Variants in AOPEP observed in about 807,000 individuals in gnomAD.
AOPEP encodes aminopeptidase O.
A neutral mutation model predicts 98.1 loss-of-function variants in AOPEP; 77 were observed. The observed-to-expected ratio is 0.78, with a 90% CI of 0.65 to 0.95. The LOEUF (loss-of-function observed/expected upper bound fraction) is 0.95. AOPEP is among the 40% of genes least tolerant of loss of function. The probability of loss-of-function intolerance (pLI) is 0.00; values close to 1 mark genes in which losing one functional copy is unlikely to be tolerated. For missense variants in AOPEP, 1,024 were observed against 1,024.7 expected (o/e 1.00, Z 0.01); for synonymous variants, 346 against 365.3 (o/e 0.95, Z 0.60).
chr9:94,932,959 A>G (rs564111393), intron 7 of AOPEP: 1 of 985,422 alleles, frequency 1.0e-6, no homozygotes, highest in African/African-American at 1.7e-5. Flanking sequence ...CGATTTGCTC[A>G]GTTTCAAAAT....
At chr9:95,035,840 A>T (rs879638041) in intron 13 of AOPEP, among the ~76,000 whole-genome samples, 30 of 148,572 alleles carry the variant, frequency 2.0e-4, no homozygotes, top group African/African-American at 6.5e-4. Context: ...TTTTTTTTTT[A>T]AAGAAATTGC....
intron 5 of AOPEP, among the ~76,000 whole-genome samples, chr9:94,828,002 A>G (rs1441496307): frequency 3.3e-5 from 5 of 152,210 alleles, no homozygotes; most frequent in Non-Finnish European, 7.3e-5. Context: ...GAGAACAGAG[A>G]AAAAAAGAAG....
At position 94,878,437 on chromosome 9, in the gene AOPEP, T is replaced by C. The variant is rs566585546; in HGVS notation, c.1365-45549T>C. On this transcript the variant is annotated intron_variant, in intron 5 of 16. Coordinates refer to ENST00000375315, the MANE Select transcript of AOPEP (RefSeq NM_001193329.3). ...ACAGGGTTCAAGGGCAGTCTTCCTCTGATGTTATTTCCCGAAGACCCAATT... is the reference window on the plus strand; with the variant it reads ...ACAGGGTTCAAGGGCAGTCTTCCTCCGATGTTATTTCCCGAAGACCCAATT... Among the ~76,000 whole-genome samples the C allele has an allele frequency of 1.1e-4, 17 of 151,792 alleles. No individual in the cohort carries two copies. In the East Asian group the frequency reaches 3.3e-3, roughly 29 times the overall value.
intron 4 of AOPEP, among the ~76,000 whole-genome samples, chr9:94,796,750 G>T (rs923937716): frequency 6.6e-6 from 1 of 152,206 alleles, no homozygotes; most frequent in African/African-American, 2.4e-5. Flanking sequence ...GCCACTCTGG[G>T]TGAGCATTTT....
the AOPEP span, among the ~76,000 whole-genome samples, chr9:95,133,132 G>A: frequency 1.3e-5 from 2 of 152,244 alleles, no homozygotes; most frequent in Non-Finnish European, 2.9e-5. Context: ...ATCAGATGAT[G>A]CAATTAGGAA....
chr9:94,737,425 A>G (rs1412620143), intron 1 of AOPEP, among the ~76,000 whole-genome samples: 2 of 152,106 alleles, frequency 1.3e-5, no homozygotes, highest in Non-Finnish European at 2.9e-5. Flanking sequence ...TTTCATTCTT[A>G]TGTACCTTTC....
chr9:94,739,450 G>T (rs1240017067), intron 1 of AOPEP, among the ~76,000 whole-genome samples: 7 of 152,028 alleles, frequency 4.6e-5, no homozygotes, highest in Non-Finnish European at 1.0e-4. Context: ...TTCGACACCA[G>T]CCTGACCAAC....
At chr9:94,966,991 A>G (rs1205144116) in intron 9 of AOPEP, among the ~76,000 whole-genome samples, 1 of 152,178 alleles carries the variant, frequency 6.6e-6, no homozygotes, top group African/African-American at 2.4e-5. Flanking sequence ...AAATTATGTA[A>G]TGTTTGGGAC....
At chr9:95,024,667 T>C (rs371118307) in intron 13 of AOPEP, among the ~76,000 whole-genome samples, 1 of 152,302 alleles carries the variant, frequency 6.6e-6, no homozygotes, top group Non-Finnish European at 1.5e-5. Flanking sequence ...GGAGGGAGAA[T>C]GTTGGTATGG....
the AOPEP span, chr9:95,135,592 A>G: frequency 5.8e-6 from 6 of 1,043,192 alleles, no homozygotes; most frequent in East Asian, 2.6e-5. Context: ...TCACTAATCC[A>G]ATTTGTGAGA....
intron 3 of AOPEP, among the ~76,000 whole-genome samples, chr9:94,774,617 T>G (rs1226106055): frequency 6.6e-6 from 1 of 152,164 alleles, no homozygotes; most frequent in East Asian, 1.9e-4. Flanking sequence ...TCTGAATATA[T>G]CAGAATTTAA....
intron 3 of AOPEP, among the ~76,000 whole-genome samples, chr9:94,773,885 C>T (rs2132888334): frequency 6.6e-6 from 1 of 152,082 alleles, no homozygotes; most frequent in East Asian, 1.9e-4. Context: ...CCCACCTCAT[C>T]CTGCCAAGTA....
intron 7 of AOPEP, among the ~76,000 whole-genome samples, chr9:94,938,988 A>G (rs1020541586): frequency 1.3e-5 from 2 of 152,070 alleles, no homozygotes; most frequent in South Asian, 2.1e-4. Context: ...GGTGGCTCAC[A>G]CCTGTAATCC....
At chr9:94,762,398 G>C (rs1838540321) in intron 2 of AOPEP, among the ~76,000 whole-genome samples, 1 of 151,284 alleles carries the variant, frequency 6.6e-6, no homozygotes, top group Non-Finnish European at 1.5e-5. Context: ...AGTGAGCCAA[G>C]ATCGTGCCAC....
At chr9:94,871,899 C>G (rs141649706) in intron 5 of AOPEP, among the ~76,000 whole-genome samples, 1 of 151,936 alleles carries the variant, frequency 6.6e-6, no homozygotes, top group African/African-American at 2.4e-5. Context: ...CCCAGCTACT[C>G]GGGAGGCTGA....
In AOPEP at chr9:94,863,525, G is replaced by T. The variant is rs143441496; in HGVS notation, c.1365-60461G>T. The stretch of plus-strand genomic sequence containing the variant: ...TCAAACTCCTAACCTCAGGTGATCC[G>T]CCTGCATGGCCTCCCAAAGTGTTGG... On this transcript the variant is annotated intron_variant, in intron 5 of 16. Coordinates refer to ENST00000375315, the MANE Select transcript of AOPEP (RefSeq NM_001193329.3). Among the ~76,000 whole-genome samples the T allele has an allele frequency of 2.2e-4, 34 of 152,054 alleles. No homozygotes were observed. The East Asian group carries it at 6.2e-3, about 28-fold the overall frequency.
intron 3 of AOPEP, among the ~76,000 whole-genome samples, chr9:94,777,629 T>C (rs985799720): frequency 1.5e-5 from 2 of 133,840 alleles, no homozygotes; most frequent in African/African-American, 5.7e-5. Flanking sequence ...TATAATCTTT[T>C]TTTTTTTTTT....
chr9:95,095,202 T>TA, the AOPEP span, among the ~76,000 whole-genome samples: 1 of 152,344 alleles, frequency 6.6e-6, no homozygotes, highest in East Asian at 1.9e-4. Context: ...CACCCTATCT[T>TA]ACGGTGCTGA....
chr9:94,957,956 G>C (rs1471111364), intron 9 of AOPEP, among the ~76,000 whole-genome samples: 1 of 152,076 alleles, frequency 6.6e-6, no homozygotes, highest in Non-Finnish European at 1.5e-5. Flanking sequence ...TAAGTTCACA[G>C]GTCAGTGGCA....
Sources: gnomAD v4.1 joint callset for allele counts (sites outside exome capture counted in the v4.1 genomes callset) on GRCh38, gnomAD v4.1.1 for gene constraint, MANE v1.5 for transcripts, NCBI Gene and HGNC (gene_info 2026-07-23, HGNC 2026-07-21) for gene names.